Variants in RSRC1 observed in about 807,000 individuals in gnomAD.
RSRC1 encodes serine/Arginine-related protein 53.
Under a neutral mutation model 49.1 loss-of-function variants are expected in RSRC1, and 39 were observed. That is an observed-to-expected ratio of 0.79 (90% CI 0.61 to 1.04). The LOEUF is 1.04. RSRC1 is among the 50% of genes least tolerant of loss of function. The pLI is 0.00. For missense variants in RSRC1, 388 were observed against 402.4 expected (o/e 0.96, Z 0.31); for synonymous variants, 143 against 130.8 (o/e 1.09, Z -0.63).
intron 6 of RSRC1, among the ~76,000 whole-genome samples, chr3:158,423,947 G>T (rs1358258462): frequency 6.6e-6 from 1 of 150,744 alleles, no homozygotes; most frequent in East Asian, 1.9e-4. Flanking sequence ...TGCTGAAGTT[G>T]CTTATCAGCT....
intron 6 of RSRC1, among the ~76,000 whole-genome samples, chr3:158,412,586 A>G (rs1359737905): frequency 6.6e-5 from 10 of 152,204 alleles, no homozygotes; most frequent in Non-Finnish European, 7.4e-5. Context: ...CACCTCTCTC[A>G]TTAACATTAA....
At chr3:158,227,447 C>T (rs1722589438) in intron 4 of RSRC1, among the ~76,000 whole-genome samples, 1 of 151,926 alleles carries the variant, frequency 6.6e-6, no homozygotes, top group African/African-American at 2.4e-5. Context: ...CTCTTTTCCT[C>T]CATCTTTGTC....
rs920370699 is a variant in RSRC1 at position 158,347,009 on chromosome 3, A to T, written c.532-7848A>T. ...ATTGTGTGCTGAATTTAAAGACCAG[A>T]TATGTTAAATATATACACTTTATTG... On this transcript the variant is annotated intron_variant, in intron 5 of 9. Transcript: ENST00000611884. Among the ~76,000 whole-genome samples the T allele has an allele frequency of 7.9e-5, 12 of 152,342 alleles. No individual in the cohort carries two copies. In the East Asian group the frequency reaches 2.1e-3, roughly 27 times the overall value.
At chr3:158,369,045 ATCATTTTATAAAATGCT>A (rs1463833820) in intron 6 of RSRC1, among the ~76,000 whole-genome samples, 1 of 152,128 alleles carries the variant, frequency 6.6e-6, no homozygotes, top group Non-Finnish European at 1.5e-5. Flanking sequence ...GGAGTATCAG[ATCATTTTATAAAATGCT>A]TAACAAAAAT....
chr3:158,164,933 A>G (rs1344813797), intron 3 of RSRC1, among the ~76,000 whole-genome samples: 1 of 152,168 alleles, frequency 6.6e-6, no homozygotes, highest in Non-Finnish European at 1.5e-5. Flanking sequence ...TATTGATTGG[A>G]AAAGAGTTGG....
intron 6 of RSRC1, among the ~76,000 whole-genome samples, chr3:158,410,360 A>G (rs965538287): frequency 6.6e-6 from 1 of 152,124 alleles, no homozygotes; most frequent in African/African-American, 2.4e-5. Flanking sequence ...CTTATTATTA[A>G]AGTTTCAGCT....
chr3:158,149,358 G>A (rs1282672123), intron 3 of RSRC1, among the ~76,000 whole-genome samples: 1 of 152,152 alleles, frequency 6.6e-6, no homozygotes, highest in Non-Finnish European at 1.5e-5. Context: ...TATATGGGAT[G>A]AGCTATATCA....
intron 7 of RSRC1, among the ~76,000 whole-genome samples, chr3:158,521,698 A>G (rs1711684613): frequency 7.4e-6 from 1 of 134,342 alleles, no homozygotes; most frequent in South Asian, 2.5e-4. Context: ...GCCTTATTAT[A>G]TTGCAATTTT....
At chr3:158,216,119 A>T (rs1721929986) in intron 4 of RSRC1, among the ~76,000 whole-genome samples, 1 of 151,570 alleles carries the variant, frequency 6.6e-6, no homozygotes, top group African/African-American at 2.4e-5. Context: ...ATATTTTATT[A>T]GGTTGGTGCA....
chr3:158,409,405 CAG>C (rs1560029672), intron 6 of RSRC1, among the ~76,000 whole-genome samples: 1 of 152,110 alleles, frequency 6.6e-6, no homozygotes, highest in Non-Finnish European at 1.5e-5. Flanking sequence ...AGCAGTTGAA[CAG>C]AGAGGGACAT....
intron 7 of RSRC1, among the ~76,000 whole-genome samples, chr3:158,482,351 T>A (rs1400881126): frequency 6.6e-6 from 1 of 152,098 alleles, no homozygotes; most frequent in Non-Finnish European, 1.5e-5. Context: ...TTCAGTAATC[T>A]CTTTTGCCTG....
chr3:158,431,754 T>C (rs1471457704), intron 6 of RSRC1, among the ~76,000 whole-genome samples: 2 of 151,894 alleles, frequency 1.3e-5, no homozygotes, highest in Non-Finnish European at 2.9e-5. Flanking sequence ...ATTTTCTAAA[T>C]TGTTTAATAC....
intron 7 of RSRC1, among the ~76,000 whole-genome samples, chr3:158,497,394 TG>T (rs1739382361): frequency 6.7e-6 from 1 of 149,966 alleles, no homozygotes; most frequent in African/African-American, 2.4e-5. Context: ...TTCTATCCCT[TG>T]CCCCCCTCCC....
At position 158,132,137 on chromosome 3, in the gene RSRC1, C is replaced by G. The variant is rs772781995; in HGVS notation, c.320+8146C>G. 23 of 450,850 alleles carry G rather than the reference C, an allele frequency of 5.1e-5. 1 individual carries two copies. Among genetic ancestry groups the G allele is most frequent in the South Asian group, 3.6e-4 (23 of 63,862 alleles). 27.9% of individuals were successfully genotyped at this position (450,850 alleles called of 1,614,324 possible). ...TAGCTGGGACTACAGGTACACACCGCCACACCCAACTATGATTTTTGTATT... is the reference window on the plus strand; with the variant it reads ...TAGCTGGGACTACAGGTACACACCGGCACACCCAACTATGATTTTTGTATT... On this transcript the variant is annotated intron_variant, in intron 3 of 9. Transcript: ENST00000611884.
chr3:158,314,973 C>T (rs773195326), intron 5 of RSRC1, among the ~76,000 whole-genome samples: 17 of 150,902 alleles, frequency 1.1e-4, no homozygotes, highest in South Asian at 2.1e-4. Context: ...CAGAGGTTGC[C>T]GTGAGCCAAG....
intron 6 of RSRC1, among the ~76,000 whole-genome samples, chr3:158,445,318 G>A (rs1168086298): frequency 6.6e-6 from 1 of 152,120 alleles, no homozygotes; most frequent in African/African-American, 2.4e-5. Flanking sequence ...GAAATACTAT[G>A]CAGCCATAAA....
At position 158,253,675 on chromosome 3, in the gene RSRC1, G is replaced by A. The variant is rs185521951; in HGVS notation, c.495-44364G>A. ...CTGAAATTGGGGTGTTAAAATCTCCGGCTATTGTACTGAAATCTGTTTCTC... is the reference window on the plus strand; with the variant it reads ...CTGAAATTGGGGTGTTAAAATCTCCAGCTATTGTACTGAAATCTGTTTCTC... On this transcript the variant is annotated intron_variant, in intron 4 of 9. Transcript: ENST00000611884. Among the ~76,000 whole-genome samples, 31 of 152,074 alleles carry A rather than the reference G, an allele frequency of 2.0e-4. No individual in the cohort carries two copies. The East Asian group carries it at 5.2e-3, about 26-fold the overall frequency.
At chr3:158,515,831 T>C (rs1440634818) in intron 7 of RSRC1, among the ~76,000 whole-genome samples, 4 of 152,136 alleles carry the variant, frequency 2.6e-5, no homozygotes, top group East Asian at 1.9e-4. Flanking sequence ...CTTCCCTTCT[T>C]ACTTCATTTC....
chr3:158,301,187 AC>A lies in RSRC1; in HGVS notation c.531+3114del, dbSNP rs557093568. The stretch of plus-strand genomic sequence containing the variant: ...ATTTTTTAATAATGTACTGTCTAAT[AC>A]CATCTTATTTTTCTTTTCACAAACT... On this transcript the variant is annotated intron_variant, in intron 5 of 9. Coordinates refer to ENST00000611884, the MANE Select transcript of RSRC1 (RefSeq NM_001271838.2). 1.8e-4 allele frequency among the ~76,000 whole-genome samples: 28 copies of A among 152,142 alleles called. No homozygotes were observed. In the East Asian group the frequency reaches 3.1e-3, roughly 17 times the overall value.
Sources: allele counts gnomAD v4.1 joint callset (sites outside exome capture counted in the v4.1 genomes callset), GRCh38; gene constraint gnomAD v4.1.1; transcripts MANE v1.5; gene names NCBI Gene and HGNC (gene_info 2026-07-23, HGNC 2026-07-21).